Variants in CUBN observed in about 807,000 individuals in gnomAD.
CUBN encodes cubilin, also known as 460 kDa receptor.
CUBN carries 282 observed loss-of-function variants against 405.3 expected under a neutral mutation model. The observed-to-expected ratio is 0.70, with a 90% CI of 0.63 to 0.77. The LOEUF is 0.77. Ranked by LOEUF, CUBN falls within the 30% of genes least tolerant of loss-of-function variation. The pLI, the probability that CUBN is intolerant of heterozygous loss-of-function variation, is 0.00. For synonymous variants in CUBN, 1,684 were observed against 1,617.0 expected (o/e 1.04, Z -0.99); for missense variants, 4,514 against 4,475.2 (o/e 1.01, Z -0.25).
intron 60 of CUBN, among the ~76,000 whole-genome samples, chr10:16,847,943 C>T (rs1038477363): frequency 1.3e-5 from 2 of 152,204 alleles, no homozygotes; most frequent in Middle Eastern, 3.4e-3. Context: ...AGAAAAATCT[C>T]TTTAATAAAG....
intron 45 of CUBN, among the ~76,000 whole-genome samples, chr10:16,918,265 G>A (rs1157499182): frequency 6.6e-6 from 1 of 152,086 alleles, no homozygotes; most frequent in African/African-American, 2.4e-5. Flanking sequence ...GGATTGCCTT[G>A]GCTATTTGGG....
In CUBN at chr10:17,047,393, GA is replaced by G. The variant is rs1238099112; in HGVS notation, c.3329+20del. 4 of 1,539,272 alleles carry G rather than the reference GA, an allele frequency of 2.6e-6. No homozygotes were observed. The highest frequency in any genetic ancestry group is 3.6e-6 in the Non-Finnish European group (4 of 1,115,002). ...GAATAAATAATGAAAAGATTATAATGAAATAAATAAAAGTGCTGACCTGATT... is the reference window on the plus strand; with the variant it reads ...GAATAAATAATGAAAAGATTATAATGAATAAATAAAAGTGCTGACCTGATT... On this transcript the variant is annotated intron_variant, in intron 23 of 66. Transcript: ENST00000377833.
At chr10:17,054,296 A>G (rs998252792) in intron 22 of CUBN, among the ~76,000 whole-genome samples, 1 of 146,888 alleles carries the variant, frequency 6.8e-6, no homozygotes, top group African/African-American at 2.5e-5. Flanking sequence ...GCACCACTGC[A>G]CTCCAGCCTG....
At chr10:17,070,571 T>G (rs1835718070) in intron 19 of CUBN, among the ~76,000 whole-genome samples, 1 of 152,204 alleles carries the variant, frequency 6.6e-6, no homozygotes, top group Non-Finnish European at 1.5e-5. Flanking sequence ...GAGGACAAGT[T>G]TTACACTTAT....
intron 5 of CUBN, among the ~76,000 whole-genome samples, chr10:17,123,168 G>A (rs564040420): frequency 6.6e-6 from 1 of 152,240 alleles, no homozygotes; most frequent in East Asian, 1.9e-4. Flanking sequence ...TCACAGTGGT[G>A]CTACATCTGG....
chr10:16,936,752 G>A (rs978099410), intron 39 of CUBN, among the ~76,000 whole-genome samples: 1 of 151,926 alleles, frequency 6.6e-6, no homozygotes, highest in Non-Finnish European at 1.5e-5. Flanking sequence ...TCACTCTGTC[G>A]CCCAGGCTGG....
intron 47 of CUBN, among the ~76,000 whole-genome samples, chr10:16,914,203 C>T (rs1334767090): frequency 6.6e-6 from 1 of 151,890 alleles, no homozygotes; most frequent in East Asian, 1.9e-4. Flanking sequence ...GGTGATAGTC[C>T]ACAGGCAGCA....
At chr10:16,884,991 C>G (rs994344196) in intron 56 of CUBN, among the ~76,000 whole-genome samples, 1 of 152,152 alleles carries the variant, frequency 6.6e-6, no homozygotes, top group Non-Finnish European at 1.5e-5. Flanking sequence ...AAGGCCAAGG[C>G]TCCCTCAATA....
chr10:17,050,962 G>A (rs1219044943), intron 22 of CUBN, among the ~76,000 whole-genome samples: 2 of 151,918 alleles, frequency 1.3e-5, no homozygotes, highest in Admixed American at 6.6e-5. Context: ...AATACAGAGT[G>A]TCTACAACAC....
chr10:17,016,820 C>T (rs1834340752), intron 28 of CUBN, among the ~76,000 whole-genome samples: 1 of 152,118 alleles, frequency 6.6e-6, no homozygotes. Context: ...GAAAGGTCCT[C>T]CTGTGGGATG....
chr10:16,824,654 G>A lies in CUBN; in HGVS notation c.*321C>T, dbSNP rs1838720956. On this transcript the variant is annotated 3_prime_UTR_variant, in exon 67 of 67. Coordinates refer to ENST00000377833, the MANE Select transcript of CUBN (RefSeq NM_001081.4). ...TCCTGCCTCAGCCTCTCGAGTGGCT[G>A]GAATTACAGGCACCCACCACCACGC... 2.9e-6 allele frequency: 1 copy of A among 345,940 alleles called. No homozygotes were observed. Among genetic ancestry groups the A allele is most frequent in the Non-Finnish European group, 5.7e-6 (1 of 176,470 alleles). The allele number at this position is 345,940 out of a possible 1,614,324, so 21.4% of individuals were successfully genotyped here. A position where few individuals can be genotyped will look rare whatever the true frequency, so the allele number is the denominator to read the frequency against.
At chr10:17,085,896 A>C (rs954270931) in intron 15 of CUBN, 137 bp from the exon 16 acceptor site, 1 of 771,826 alleles carries the variant, frequency 1.3e-6, no homozygotes. Flanking sequence ...ATCCAAATGT[A>C]ACTCATGGCT....
chr10:16,900,549 T>C (rs1467989172), intron 53 of CUBN, 76 bp downstream of exon 53: 8 of 1,137,086 alleles, frequency 7.0e-6, no homozygotes, highest in Middle Eastern at 2.0e-4. Context: ...GTAAAGTAGG[T>C]ACAAAATGTA....
At chr10:16,963,059 G>T (rs1004899964) in intron 31 of CUBN, among the ~76,000 whole-genome samples, 1 of 151,936 alleles carries the variant, frequency 6.6e-6, no homozygotes, top group Non-Finnish European at 1.5e-5. Flanking sequence ...GCCTCATAAG[G>T]TTATTGTAAA....
intron 60 of CUBN, among the ~76,000 whole-genome samples, chr10:16,846,812 CAAA>C (rs59819645): frequency 7.4e-6 from 1 of 135,008 alleles, no homozygotes; most frequent in Admixed American, 7.5e-5. Flanking sequence ...AACTCTGTCT[CAAA>C]AAAAAAAAAA....
chr10:17,105,355 G>T, intron 11 of CUBN, 102 bp downstream of exon 11: 1 of 800,128 alleles, frequency 1.2e-6, no homozygotes, highest in South Asian at 1.3e-5. Flanking sequence ...TCTGAAACTT[G>T]ACTCATTATC....
At chr10:16,859,292 A>G (rs1839948547) in intron 59 of CUBN, among the ~76,000 whole-genome samples, 1 of 152,188 alleles carries the variant, frequency 6.6e-6, no homozygotes, top group African/African-American at 2.4e-5. Context: ...AAAATAAACA[A>G]TTCAATTAGA....
rs1285741474 is a variant in CUBN, at chr10:16,937,676, C to T, written c.5842G>A (p.Asp1948Asn). 7.4e-6 allele frequency: 12 copies of T among 1,613,822 alleles called. No individual in the cohort carries two copies. The highest frequency in any genetic ancestry group is 4.5e-5 in the East Asian group (2 of 44,870). ...GNSLTFHFYS[D>N]SSISGKGFLL... is the part of the protein sequence containing the mutation. ...AATCCCTTCCCTGAGATTGAAGAGT[C>T]GGAGTAAAAATGAAATGTCAAAGAA... Residue 1948 changes from aspartate to asparagine, a missense_variant, in exon 39 of 67, where the codon GAC becomes AAC. Asp to Asn is a conservative substitution (Grantham distance 23). Around this residue, in one of 5 missense-constraint regions of CUBN, gnomAD observed 1,613 missense variants for 1,542.8 expected, o/e 1.05. Coordinates refer to ENST00000377833, the MANE Select transcript of CUBN (RefSeq NM_001081.4).
chr10:16,874,794 C>A (rs114389123), intron 57 of CUBN, among the ~76,000 whole-genome samples: 188 of 152,146 alleles, frequency 1.2e-3, no homozygotes, highest in African/African-American at 4.4e-3. Context: ...AAATGACGAG[C>A]AGGAACATTT....
Sources: allele counts gnomAD v4.1 joint callset (sites outside exome capture counted in the v4.1 genomes callset), GRCh38; gene constraint gnomAD v4.1.1; regional missense constraint gnomAD v4.1.1; transcripts MANE v1.5; gene names NCBI Gene and HGNC (gene_info 2026-07-23, HGNC 2026-07-21).